TPMT: variants seen among roughly 807,000 people sequenced by gnomAD.
TPMT encodes the protein thiopurine S-methyltransferase, also known as S-adenosyl-L-methionine:thiopurine S-methyltransferase.
A neutral mutation model predicts 34.2 loss-of-function variants in TPMT; 18 were observed. The observed-to-expected ratio is 0.53, with a 90% CI of 0.36 to 0.78. The LOEUF is 0.78. Among genes scored for constraint, TPMT ranks in the 30% least tolerant of loss-of-function variants. The pLI, the probability that TPMT is intolerant of heterozygous loss-of-function variation, is 0.00. For synonymous variants in TPMT, 69 were observed against 92.4 expected, an observed-to-expected ratio of 0.75 and a Z score of 1.45; for missense variants, 265 against 288.1, an observed-to-expected ratio of 0.92 and a Z score of 0.58.
rs750258218 is a variant in TPMT at position 18,132,158 on chromosome 6, T to A, written c.600A>T (p.Pro200=). 6.2e-7 allele frequency: 1 copy of A among 1,614,206 alleles called. No homozygotes were observed. Among genetic ancestry groups the A allele is most frequent in the Non-Finnish European group, 8.5e-7 (1 of 1,180,012 alleles). Residue 200 remains proline (P), a synonymous_variant, in exon 8 of 9, where the codon CCA becomes CCT. Coordinates refer to ENST00000309983, the MANE Select transcript of TPMT (RefSeq NM_000367.5). The surrounding 1 kb of genome is among the most constrained non-coding windows in gnomAD (Gnocchi z 4.8). ...CAAACAACCTTTCAATTTCAGCATG[T>A]GGAACATAAAATGGTGGACCTAGGT... ...TKHPGPPFYV[P]HAEIERLFGK...
At position 18,154,120 on chromosome 6, in the gene TPMT, GTT is replaced by G. The variant is rs1419774715; in HGVS notation, c.-45+911_-45+912del. On this transcript the variant is annotated intron_variant, in intron 1 of 8. Coordinates refer to ENST00000309983, the MANE Select transcript of TPMT (RefSeq NM_000367.5). The surrounding 1 kb of genome is among the most constrained non-coding windows in gnomAD (Gnocchi z 4.2). ...TTTTGTAGAGACAGGGTCTTGCTATGTTACCCAGGCTGGTCTCAAACTCCTGG... is the reference window on the plus strand; with the variant it reads ...TTTTGTAGAGACAGGGTCTTGCTATGACCCAGGCTGGTCTCAAACTCCTGG... Among the ~76,000 whole-genome samples the G allele has an allele frequency of 6.6e-6, 1 of 152,132 alleles. No individual in the cohort carries two copies. Among genetic ancestry groups the G allele is most frequent in the Non-Finnish European group, 1.5e-5 (1 of 68,032 alleles).
At position 18,129,662 on chromosome 6, in the gene TPMT, T is replaced by C. The variant is rs1783897107; in HGVS notation, c.*1006A>G. The C allele has an allele frequency of 1.3e-5, 2 of 152,182 alleles. No homozygotes were observed. The highest frequency in any genetic ancestry group is 4.8e-5 in the African/African-American group (2 of 41,440). The allele number at this position is 152,182 out of a possible 1,614,324, so 9.4% of individuals were successfully genotyped here. A position where few individuals can be genotyped will look rare whatever the true frequency, so the allele number is the denominator to read the frequency against. ...TAAGTACATTATATTTTATAAGACC[T>C]GATGATTTAAACAGATTAAATTATA... On this transcript the variant is annotated 3_prime_UTR_variant, in exon 9 of 9. Transcript: ENST00000309983.
Position 18,128,553 on chromosome 6 carries a change from G to A in TPMT, c.*2115C>T, listed in dbSNP as rs1561884409. Reference sequence around the variant, plus strand: ...ACCCTGGGCAGCTGGGCTTCAGGGAGGATGAAAATGGACCCAGGACGCAGG... The same window carrying A: ...ACCCTGGGCAGCTGGGCTTCAGGGAAGATGAAAATGGACCCAGGACGCAGG... On this transcript the variant is annotated 3_prime_UTR_variant, in exon 9 of 9. Transcript: ENST00000309983. This position sits in a 1 kb window ranked among gnomAD's most constrained non-coding sequence, Gnocchi z 4.6. The A allele has an allele frequency of 6.6e-6, 1 of 152,180 alleles. No homozygotes were observed. Among genetic ancestry groups the A allele is most frequent in the Non-Finnish European group, 1.5e-5 (1 of 68,058 alleles). 9.4% of individuals were successfully genotyped at this position (152,180 alleles called of 1,614,324 possible). A position where few individuals can be genotyped will look rare whatever the true frequency, so the allele number is the denominator to read the frequency against.
In TPMT at chr6:18,138,182, G is replaced by C. The variant is rs1784079083; in HGVS notation, c.494+781C>G. 6.6e-6 allele frequency among the ~76,000 whole-genome samples: 1 copy of C among 151,764 alleles called. No individual in the cohort carries two copies. Among genetic ancestry groups the C allele is most frequent in the South Asian group, 2.1e-4 (1 of 4,822 alleles). ...AAGTAACTTAATCTCTTTGACCTCAGTTTCCTCATCTGTATAATGGAATAG... is the reference window on the plus strand; with the variant it reads ...AAGTAACTTAATCTCTTTGACCTCACTTTCCTCATCTGTATAATGGAATAG... On this transcript the variant is annotated intron_variant, in intron 6 of 8. Transcript: ENST00000309983. This position sits in a 1 kb window ranked among gnomAD's most constrained non-coding sequence, Gnocchi z 4.1.
Position 18,131,393 on chromosome 6 carries a change from A to ACTCCTCGTTAACTCC in TPMT, c.626-614_626-613insGGAGTTAACGAGGAG, listed in dbSNP as rs1783937239. Among the ~76,000 whole-genome samples, 1 of 152,184 alleles carries ACTCCTCGTTAACTCC rather than the reference A, an allele frequency of 6.6e-6. No individual in the cohort carries two copies. The highest frequency in any genetic ancestry group is 1.9e-4 in the East Asian group (1 of 5,182). ...CAGGAGTTCGAGACCAGCCTGGGCA[A>ACTCCTCGTTAACTCC]TGTGGTTAAACCCCATCTCTACAAA... On this transcript the variant is annotated intron_variant, in intron 8 of 8. Transcript: ENST00000309983. The surrounding 1 kb of genome is among the most constrained non-coding windows in gnomAD (Gnocchi z 4.3).
rs1239404640 is a variant in TPMT, at chr6:18,138,892, T to C, written c.494+71A>G. On this transcript the variant is annotated intron_variant, in intron 6 of 8. Coordinates refer to ENST00000309983, the MANE Select transcript of TPMT (RefSeq NM_000367.5). This position sits in a 1 kb window ranked among gnomAD's most constrained non-coding sequence, Gnocchi z 4.1. Reference sequence around the variant, plus strand: ...AACTCATAGAAGTCTAAGCTGATTTTCTAGAACCCAGAAAAAGTATAGTAT... The same window carrying C: ...AACTCATAGAAGTCTAAGCTGATTTCCTAGAACCCAGAAAAAGTATAGTAT... 1.1e-5 allele frequency: 15 copies of C among 1,320,742 alleles called. No homozygotes were observed. The African/African-American group carries it at 1.8e-4, about 16-fold the overall frequency. The allele number at this position is 1,320,742 out of a possible 1,614,324, so 81.8% of individuals were successfully genotyped here.
At position 18,130,573 on chromosome 6, in the gene TPMT, A is replaced by G. The variant is rs1168960470; in HGVS notation, c.*95T>C. 5.5e-5 allele frequency: 47 copies of G among 849,672 alleles called. No individual in the cohort carries two copies. The highest frequency in any genetic ancestry group is 1.9e-6 in the Non-Finnish European group (1 of 517,372). The allele number at this position is 849,672 out of a possible 1,614,324, so 52.6% of individuals were successfully genotyped here. ...AGATCTATCATATGATTTATAAACA[A>G]TTTTAAAAATTCATCCATTACATTT... On this transcript the variant is annotated 3_prime_UTR_variant, in exon 9 of 9. Coordinates refer to ENST00000309983, the MANE Select transcript of TPMT (RefSeq NM_000367.5). The surrounding 1 kb of genome is among the most constrained non-coding windows in gnomAD (Gnocchi z 4.2).
intron 1 of TPMT, among the ~76,000 whole-genome samples, chr6:18,152,184 G>T (rs953351383): frequency 6.6e-6 from 1 of 152,134 alleles, no homozygotes; most frequent in African/African-American, 2.4e-5. Context: ...AGCATTTGGG[G>T]ATTCTGTATT....
intron 6 of TPMT, 70 bp from the exon 7 acceptor site, chr6:18,133,959 G>A: frequency 1.5e-6 from 2 of 1,295,746 alleles, no homozygotes; most frequent in Non-Finnish European, 2.2e-6. Flanking sequence ...ACAAAAGGCA[G>A]GGAAGGAAGC....
At position 18,139,692 on chromosome 6, in the gene TPMT, T is replaced by A; in HGVS notation, c.392A>T (p.Tyr131Phe). The A allele has an allele frequency of 6.2e-7, 1 of 1,613,314 alleles. No individual in the cohort carries two copies. The highest frequency in any genetic ancestry group is 1.1e-5 in the South Asian group (1 of 90,990). Residue 131 changes from tyrosine to phenylalanine, a missense_variant, in exon 5 of 9, where the codon TAC (tyrosine) becomes TTC (phenylalanine). By Grantham distance (22) the Tyr-to-Phe change is conservative. Coordinates refer to ENST00000309983, the MANE Select transcript of TPMT (RefSeq NM_000367.5). This position sits in a 1 kb window ranked among gnomAD's most constrained non-coding sequence, Gnocchi z 4.2. ...GGGAAGATCAAAAATACTGCAACAG[T>A]ACAATGAAATGTTCCCCGAAGAACT... Reference protein sequence around the residue: ...FKSSSGNISLYCCSIFDLPRT... With the variant: ...FKSSSGNISLFCCSIFDLPRT...
Position 18,143,251 on chromosome 6 carries a change from A to C in TPMT, c.366+345T>G, listed in dbSNP as rs1246206604. 6.6e-6 allele frequency among the ~76,000 whole-genome samples: 1 copy of C among 151,958 alleles called. No homozygotes were observed. The highest frequency in any genetic ancestry group is 1.9e-4 in the East Asian group (1 of 5,194). On this transcript the variant is annotated intron_variant, in intron 4 of 8. Coordinates refer to ENST00000309983, the MANE Select transcript of TPMT (RefSeq NM_000367.5). The surrounding 1 kb of genome is among the most constrained non-coding windows in gnomAD (Gnocchi z 6.1). ...AACTAAGAGATTCTTTAGGGGTGGG[A>C]GTGAGGGGGGTGTGCTGTGTTATCT... is the stretch of plus-strand genomic sequence containing the variant.
Position 18,145,020 on chromosome 6 carries a change from A to C in TPMT, c.234-1292T>G, listed in dbSNP as rs1182417087. On this transcript the variant is annotated intron_variant, in intron 3 of 8. Coordinates refer to ENST00000309983, the MANE Select transcript of TPMT (RefSeq NM_000367.5). This position sits in a 1 kb window ranked among gnomAD's most constrained non-coding sequence, Gnocchi z 5.6. The stretch of plus-strand genomic sequence containing the variant: ...ACAGTCCTGGTAAGTTTTATAATGA[A>C]CAGAATTCAGTCTCAGGATCTTGGA... 6.6e-6 allele frequency among the ~76,000 whole-genome samples: 1 copy of C among 152,144 alleles called. No individual in the cohort carries two copies. Among genetic ancestry groups the C allele is most frequent in the Non-Finnish European group, 1.5e-5 (1 of 68,022 alleles).
chr6:18,134,430 A>G (rs1784006185), intron 6 of TPMT, among the ~76,000 whole-genome samples: 1 of 150,060 alleles, frequency 6.7e-6, no homozygotes, highest in African/African-American at 2.4e-5. Context: ...TTTTTCCTCT[A>G]TTTAGTTAGA....
At position 18,132,871 on chromosome 6, in the gene TPMT, A is replaced by G. The variant is rs1422655954; in HGVS notation, c.581-694T>C. Among the ~76,000 whole-genome samples the G allele has an allele frequency of 6.6e-6, 1 of 152,084 alleles. No individual in the cohort carries two copies. The highest frequency in any genetic ancestry group is 2.4e-5 in the African/African-American group (1 of 41,416). On this transcript the variant is annotated intron_variant, in intron 7 of 8. Transcript: ENST00000309983. This position sits in a 1 kb window ranked among gnomAD's most constrained non-coding sequence, Gnocchi z 4.8. Reference sequence around the variant, plus strand: ...CACTTTGGGAGGCTGAGGAGGGCGGATCACCTGAGGTCAGGAGTTCCAGAC... The same window carrying G: ...CACTTTGGGAGGCTGAGGAGGGCGGGTCACCTGAGGTCAGGAGTTCCAGAC...
chr6:18,144,674 C>T (rs7760301), intron 3 of TPMT, among the ~76,000 whole-genome samples: 7,956 of 150,122 alleles, frequency 0.053, 256 homozygotes, highest in African/African-American at 0.088. Flanking sequence ...CCACCACACC[C>T]GGGCTTTTCC....
rs1290326499 is a variant in TPMT, at chr6:18,153,982, G to A, written c.-45+1051C>T. Among the ~76,000 whole-genome samples, 1 of 152,146 alleles carries A rather than the reference G, an allele frequency of 6.6e-6. No homozygotes were observed. The highest frequency in any genetic ancestry group is 1.5e-5 in the Non-Finnish European group (1 of 68,030). On this transcript the variant is annotated intron_variant, in intron 1 of 8. Transcript: ENST00000309983. The surrounding 1 kb of genome is among the most constrained non-coding windows in gnomAD (Gnocchi z 4.2). ...CTATCCCCCAGGCTGGAGTGCAGTG[G>A]TGTAATGACACTTCCGTCTCCAACA... is the stretch of plus-strand genomic sequence containing the variant.
intron 6 of TPMT, among the ~76,000 whole-genome samples, chr6:18,137,357 G>A (rs1784060893): frequency 1.3e-5 from 2 of 152,064 alleles, no homozygotes; most frequent in Non-Finnish European, 2.9e-5. Flanking sequence ...GGCTGGTCTC[G>A]AACTCCTGAC....
chr6:18,135,180 T>C lies in TPMT; in HGVS notation c.495-1291A>G, dbSNP rs79192474. On this transcript the variant is annotated intron_variant, in intron 6 of 8. Transcript: ENST00000309983. The surrounding 1 kb of genome is among the most constrained non-coding windows in gnomAD (Gnocchi z 5.0). ...TTCACCAGTGGATCACTCTTCCTTGTAGGTGAAAGAACCACATCAAAGCAA... is the reference window on the plus strand; with the variant it reads ...TTCACCAGTGGATCACTCTTCCTTGCAGGTGAAAGAACCACATCAAAGCAA... Among the ~76,000 whole-genome samples, 1 of 152,242 alleles carries C rather than the reference T, an allele frequency of 6.6e-6. No individual in the cohort carries two copies.
At chr6:18,141,901 T>C (rs1784149118) in intron 4 of TPMT, among the ~76,000 whole-genome samples, 1 of 152,182 alleles carries the variant, frequency 6.6e-6, no homozygotes, top group African/African-American at 2.4e-5. Flanking sequence ...GCCAATCATG[T>C]TCAAAATGGT....
Sources: allele counts gnomAD v4.1 joint callset (sites outside exome capture counted in the v4.1 genomes callset), GRCh38; gene constraint gnomAD v4.1.1; non-coding constraint Gnocchi (gnomAD v3.1); transcripts MANE v1.5; gene names NCBI Gene and HGNC (gene_info 2026-07-23, HGNC 2026-07-21).